Variants in ZNRF2 observed in about 807,000 individuals in gnomAD.
ZNRF2 encodes the protein zinc and ring finger 2, also known as E3 ubiquitin-protein ligase ZNRF2.
In ZNRF2, 16 loss-of-function variants were observed where a neutral mutation model predicts 20.4. The ratio of observed to expected loss-of-function variants is 0.79; its 90% CI spans 0.53 to 1.19. The LOEUF is 1.19. ZNRF2 is among the 50% of genes most tolerant of loss of function. The pLI, the probability that ZNRF2 is intolerant of heterozygous loss-of-function variation, is 0.00. For synonymous variants in ZNRF2, 178 were observed against 144.9 expected (o/e 1.23, Z -1.64); for missense variants, 363 against 332.4 (o/e 1.09, Z -0.72).
At chr7:30,297,487 C>T (rs1428774796) in intron 1 of ZNRF2, among the ~76,000 whole-genome samples, 2 of 152,068 alleles carry the variant, frequency 1.3e-5, no homozygotes, top group Non-Finnish European at 2.9e-5. Context: ...TATTTTATTT[C>T]TGCCCTCATT....
At chr7:30,363,740 T>G (rs146919854) in intron 4 of ZNRF2, among the ~76,000 whole-genome samples, 31 of 151,846 alleles carry the variant, frequency 2.0e-4, no homozygotes, top group Non-Finnish European at 4.1e-4. Flanking sequence ...CTGACCTCAA[T>G]TGGGTATTTT....
chr7:30,312,945 C>T (rs1799313693), intron 1 of ZNRF2, among the ~76,000 whole-genome samples: 1 of 152,034 alleles, frequency 6.6e-6, no homozygotes, highest in South Asian at 2.1e-4. Flanking sequence ...CATGATAAAA[C>T]AACAAATGTA....
intron 3 of ZNRF2, among the ~76,000 whole-genome samples, chr7:30,358,937 G>A (rs994319545): frequency 4.6e-5 from 7 of 152,138 alleles, no homozygotes; most frequent in African/African-American, 1.7e-4. Flanking sequence ...GAGTATAAGG[G>A]TATAAACAAG....
At chr7:30,289,769 A>C (rs1216021441) in intron 1 of ZNRF2, 1 of 534,330 alleles carries the variant, frequency 1.9e-6, no homozygotes, top group East Asian at 5.4e-5. Context: ...ATCTGAGAGC[A>C]GCGTGACCTA....
At chr7:30,331,566 G>A (rs1799635784) in intron 2 of ZNRF2, among the ~76,000 whole-genome samples, 1 of 152,130 alleles carries the variant, frequency 6.6e-6, no homozygotes, top group Admixed American at 6.6e-5. Context: ...CTGGCATGGA[G>A]CCTGGAATGA....
At chr7:30,334,380 T>A (rs1799685825) in intron 2 of ZNRF2, among the ~76,000 whole-genome samples, 1 of 152,176 alleles carries the variant, frequency 6.6e-6, no homozygotes, top group South Asian at 2.1e-4. Flanking sequence ...AGCACCATGA[T>A]GTTTCGGTTC....
intron 2 of ZNRF2, among the ~76,000 whole-genome samples, chr7:30,325,533 C>G (rs2128063885): frequency 6.6e-6 from 1 of 152,280 alleles, no homozygotes. Context: ...TCTGAGCTTT[C>G]TCCTCAGGTA....
intron 2 of ZNRF2, among the ~76,000 whole-genome samples, chr7:30,346,094 G>A (rs1799872261): frequency 7.5e-6 from 1 of 133,658 alleles, no homozygotes; most frequent in Admixed American, 7.8e-5. Context: ...TTTTTCATTT[G>A]CCTTTACATA....
intron 1 of ZNRF2, among the ~76,000 whole-genome samples, chr7:30,287,511 G>A (rs1429341618): frequency 6.6e-6 from 1 of 152,140 alleles, no homozygotes; most frequent in Non-Finnish European, 1.5e-5. Flanking sequence ...TAGTTCTGTG[G>A]GTTTATTTTG....
At chr7:30,321,712 A>C (rs1356884216) in intron 1 of ZNRF2, among the ~76,000 whole-genome samples, 1 of 152,122 alleles carries the variant, frequency 6.6e-6, no homozygotes, top group Non-Finnish European at 1.5e-5. Context: ...GCCCTCGTTT[A>C]TGCTAAGTTT....
At chr7:30,325,472 T>C (rs1021371004) in intron 2 of ZNRF2, among the ~76,000 whole-genome samples, 6 of 152,176 alleles carry the variant, frequency 3.9e-5, no homozygotes, top group African/African-American at 1.4e-4. Context: ...TAAGAATTAT[T>C]GGTTAAATAA....
chr7:30,285,662 G>T lies in ZNRF2; in HGVS notation c.305G>T (p.Ser102Ile). 7.1e-7 allele frequency: 1 copy of T among 1,415,534 alleles called. No homozygotes were observed. Among genetic ancestry groups the T allele is most frequent in the Non-Finnish European group, 9.2e-7 (1 of 1,089,468 alleles). 87.7% of individuals were successfully genotyped at this position (1,415,534 alleles called of 1,614,324 possible). A position where few individuals can be genotyped will look rare whatever the true frequency, so the allele number is the denominator to read the frequency against. The change falls in exon 1 of 5, where the codon AGC (serine) becomes ATC (isoleucine). Residue 102 changes from serine to isoleucine, a missense_variant. Around this residue, in one of 2 missense-constraint regions of ZNRF2, gnomAD observed 302 missense variants for 231.5 expected, o/e 1.30. Coordinates refer to ENST00000323037, the MANE Select transcript of ZNRF2 (RefSeq NM_147128.4). ...SGARAAQSPF[S>I]IPNSSSGPYG... ...GCCCGCGCGGCGCAGTCCCCCTTCA[G>T]CATCCCGAACAGCAGCAGCGGCCCG...
intron 2 of ZNRF2, among the ~76,000 whole-genome samples, chr7:30,355,097 C>G (rs186492244): frequency 2.0e-5 from 3 of 152,214 alleles, no homozygotes; most frequent in African/African-American, 7.2e-5. Context: ...TTGGAAGCCA[C>G]TCTAATTAAT....
In ZNRF2 at chr7:30,355,738, G is replaced by A; in HGVS notation, c.576G>A (p.Leu192=). 6.2e-7 allele frequency: 1 copy of A among 1,612,570 alleles called. No homozygotes were observed. The highest frequency in any genetic ancestry group is 8.5e-7 in the Non-Finnish European group (1 of 1,178,924). The change falls in exon 3 of 5, where the codon CTG becomes CTA. Residue 192 remains leucine, a synonymous_variant. Coordinates refer to ENST00000323037, the MANE Select transcript of ZNRF2 (RefSeq NM_147128.4). ...TTTCTCTTTCTTCAGAGGATGTACTGAGTAAAGATGCTGGGGAATGTGCAA... is the reference window on the plus strand; with the variant it reads ...TTTCTCTTTCTTCAGAGGATGTACTAAGTAAAGATGCTGGGGAATGTGCAA... ...KPRITYNEDV[L]SKDAGECAIC...
rs1033830989 is a variant in ZNRF2 at position 30,285,773 on chromosome 7, C to T, written c.416C>T (p.Pro139Leu). The change falls in exon 1 of 5, where the codon CCG becomes CTG. Residue 139 changes from proline to leucine, a missense_variant. Coordinates refer to ENST00000323037, the MANE Select transcript of ZNRF2 (RefSeq NM_147128.4). ...CCGGTGGGCGGGAGCCCCGGCGGGCCGCGCCTGGTGATCGGCTCCTTACCA... is the reference window on the plus strand; with the variant it reads ...CCGGTGGGCGGGAGCCCCGGCGGGCTGCGCCTGGTGATCGGCTCCTTACCA... Reference protein sequence around the residue: ...DRPVGGSPGGPRLVIGSLPAH... With the variant: ...DRPVGGSPGGLRLVIGSLPAH... 3 of 1,494,878 alleles carry T rather than the reference C, an allele frequency of 2.0e-6. No individual in the cohort carries two copies. Among genetic ancestry groups the T allele is most frequent in the Middle Eastern group, 2.3e-4 (1 of 4,364 alleles). The allele number at this position is 1,494,878 out of a possible 1,614,324, so 92.6% of individuals were successfully genotyped here.
At chr7:30,323,870 G>A in intron 2 of ZNRF2, 133 bp downstream of exon 2, 3 of 528,882 alleles carry the variant, frequency 5.7e-6, no homozygotes, top group Non-Finnish European at 9.2e-6. Context: ...TTAATGCAGT[G>A]GTTCTCAAAT....
intron 4 of ZNRF2, among the ~76,000 whole-genome samples, chr7:30,364,792 G>C (rs1161229843): frequency 6.6e-6 from 1 of 151,996 alleles, no homozygotes; most frequent in Non-Finnish European, 1.5e-5. Context: ...GTCTTTCTTA[G>C]TGCATTTTGG....
chr7:30,312,635 T>C (rs532285658), intron 1 of ZNRF2, among the ~76,000 whole-genome samples: 5 of 152,332 alleles, frequency 3.3e-5, no homozygotes, highest in Non-Finnish European at 4.4e-5. Context: ...TAAACAGATA[T>C]TGTGATGTGA....
At chr7:30,339,347 C>T (rs147226488) in intron 2 of ZNRF2, among the ~76,000 whole-genome samples, 6 of 152,158 alleles carry the variant, frequency 3.9e-5, no homozygotes, top group South Asian at 4.1e-4. Flanking sequence ...TTGCCCATGC[C>T]GATGTTCTGA....
Sources: gnomAD v4.1 joint callset for allele counts (sites outside exome capture counted in the v4.1 genomes callset) on GRCh38, gnomAD v4.1.1 for gene constraint, gnomAD v4.1.1 regional missense constraint, MANE v1.5 for transcripts, NCBI Gene and HGNC (gene_info 2026-07-23, HGNC 2026-07-21) for gene names.